FAM178B: variants seen among roughly 807,000 people sequenced by gnomAD.
FAM178B encodes family with sequence similarity 178 member B, also known as protein FAM178B.
Under a neutral mutation model 91.7 loss-of-function variants are expected in FAM178B, and 82 were observed. That is an observed-to-expected ratio of 0.89 (90% CI 0.75 to 1.07). FAM178B has a LOEUF of 1.07. FAM178B is among the 50% of genes least tolerant of loss of function. The probability of loss-of-function intolerance (pLI) is 0.00; values close to 1 mark genes in which losing one functional copy is unlikely to be tolerated. For missense variants in FAM178B, 769 were observed against 846.7 expected (o/e 0.91, Z 1.14); for synonymous variants, 368 against 359.4 (o/e 1.02, Z -0.27).
chr2:96,971,861 G>A (rs2082222740), intron 3 of FAM178B, 40 bp downstream of exon 3: 1 of 1,442,810 alleles, frequency 6.9e-7, no homozygotes, highest in Non-Finnish European at 9.1e-7. Flanking sequence ...CTAAAGATGG[G>A]TAGCCAAGGA....
chr2:96,966,711 AGGAAGTGGGGCC>A (rs1375259768), intron 5 of FAM178B, among the ~76,000 whole-genome samples: 1 of 152,178 alleles, frequency 6.6e-6, no homozygotes, highest in Non-Finnish European at 1.5e-5. Context: ...TGAAGGTATT[AGGAAGTGGGGCC>A]TTTGGGAGGT....
chr2:96,900,535 C>A (rs1390784731), intron 13 of FAM178B, among the ~76,000 whole-genome samples: 3 of 152,060 alleles, frequency 2.0e-5, no homozygotes, highest in African/African-American at 7.3e-5. Context: ...ATGGAAAACA[C>A]AGATGCTGAG....
intron 7 of FAM178B, among the ~76,000 whole-genome samples, 196 bp from the exon 8 acceptor site, chr2:96,948,098 CAG>C (rs1452338159): frequency 1.3e-5 from 2 of 152,220 alleles, no homozygotes; most frequent in African/African-American, 4.8e-5. Context: ...ACAACTTTGC[CAG>C]AGTCACACAG....
At chr2:96,940,373 G>T (rs557650714) in intron 8 of FAM178B, among the ~76,000 whole-genome samples, 1 of 152,314 alleles carries the variant, frequency 6.6e-6, no homozygotes, top group East Asian at 1.9e-4. Context: ...TGACTGGCTC[G>T]CTTCCCACCT....
At chr2:96,981,490 T>C (rs1438087706) in intron 1 of FAM178B, among the ~76,000 whole-genome samples, 2 of 152,054 alleles carry the variant, frequency 1.3e-5, no homozygotes, top group African/African-American at 4.8e-5. Flanking sequence ...CTGTATCCTG[T>C]TTAAGAAACT....
At chr2:96,901,429 C>T (rs1478331579) in intron 13 of FAM178B, among the ~76,000 whole-genome samples, 3 of 152,142 alleles carry the variant, frequency 2.0e-5, no homozygotes, top group Non-Finnish European at 4.4e-5. Context: ...CCACCTCGGC[C>T]TCCCAAAGTG....
At chr2:96,924,433 C>A (rs752450505) in intron 9 of FAM178B, among the ~76,000 whole-genome samples, 1 of 152,186 alleles carries the variant, frequency 6.6e-6, no homozygotes, top group Non-Finnish European at 1.5e-5. Context: ...CCCCGAGTGA[C>A]GGACCCAATC....
intron 14 of FAM178B, among the ~76,000 whole-genome samples, chr2:96,888,130 C>G (rs1311033942): frequency 1.3e-5 from 2 of 152,252 alleles, no homozygotes; most frequent in Non-Finnish European, 2.9e-5. Context: ...AGAGGTCCCC[C>G]TCTCCTGGAG....
chr2:96,902,578 C>A, intron 13 of FAM178B, 42 bp downstream of exon 13: 1 of 1,416,890 alleles, frequency 7.1e-7, no homozygotes, highest in Non-Finnish European at 9.8e-7. Context: ...CCAGAGCCCG[C>A]AGGCCATGGC....
intron 14 of FAM178B, among the ~76,000 whole-genome samples, chr2:96,892,096 T>C (rs1353305457): frequency 6.6e-6 from 1 of 152,272 alleles, no homozygotes; most frequent in South Asian, 2.1e-4. Flanking sequence ...TCTAACCTCT[T>C]TGAAGATGAA....
At chr2:96,913,358 T>C (rs1203271016) in intron 12 of FAM178B, among the ~76,000 whole-genome samples, 2 of 152,106 alleles carry the variant, frequency 1.3e-5, no homozygotes. Flanking sequence ...GACATGCATG[T>C]GGCATCACTG....
At chr2:96,892,337 C>A (rs891370856) in intron 14 of FAM178B, among the ~76,000 whole-genome samples, 8 of 152,158 alleles carry the variant, frequency 5.3e-5, no homozygotes, top group African/African-American at 1.9e-4. Flanking sequence ...TGGTCTCGGG[C>A]TGCAGTGAAG....
intron 1 of FAM178B, among the ~76,000 whole-genome samples, chr2:96,976,854 T>A (rs965653447): frequency 1.4e-5 from 2 of 147,308 alleles, no homozygotes; most frequent in African/African-American, 5.0e-5. Context: ...TTTCAAAAAA[T>A]AAATAAAATA....
intron 8 of FAM178B, among the ~76,000 whole-genome samples, chr2:96,939,681 T>A (rs1215554079): frequency 6.6e-6 from 1 of 151,696 alleles, no homozygotes; most frequent in African/African-American, 2.4e-5. Flanking sequence ...GAGGGTGAGG[T>A]AAAATGAGCT....
At chr2:96,904,172 G>C (rs2080986620) in intron 12 of FAM178B, among the ~76,000 whole-genome samples, 1 of 152,044 alleles carries the variant, frequency 6.6e-6, no homozygotes, top group Admixed American at 6.6e-5. Flanking sequence ...AAAAAGGAGA[G>C]GCACTAGAAG....
intron 13 of FAM178B, 57 bp downstream of exon 13, chr2:96,902,563 A>G: frequency 2.4e-6 from 3 of 1,226,762 alleles, no homozygotes; most frequent in Non-Finnish European, 3.5e-6. Flanking sequence ...CTTTGGGGAA[A>G]GCCTCCAGAG....
chr2:96,934,893 A>T (rs543281896), intron 8 of FAM178B, among the ~76,000 whole-genome samples: 21 of 152,250 alleles, frequency 1.4e-4, no homozygotes, highest in South Asian at 4.1e-4. Context: ...CTACCTGGCT[A>T]TAACCAACTC....
intron 8 of FAM178B, among the ~76,000 whole-genome samples, chr2:96,943,425 T>C (rs2081767627): frequency 6.6e-6 from 1 of 152,248 alleles, no homozygotes; most frequent in Admixed American, 6.5e-5. Context: ...TGTTATAGCA[T>C]ATGTCACTCC....
rs1311918779 is a variant in FAM178B at position 96,986,435 on chromosome 2, A to T, written c.-122T>A. The T allele has an allele frequency of 8.2e-7, 1 of 1,220,962 alleles. No homozygotes were observed. Among genetic ancestry groups the T allele is most frequent in the Non-Finnish European group, 1.1e-6 (1 of 902,004 alleles). 75.6% of individuals were successfully genotyped at this position (1,220,962 alleles called of 1,614,324 possible). A position where few individuals can be genotyped will look rare whatever the true frequency, so the allele number is the denominator to read the frequency against. ...CAGGCTCCCCAGGCGGCGCAGTGGG[A>T]GGACCCCAAGAGTTGCGTCCCTAGA... On this transcript the variant is annotated 5_prime_UTR_variant, in exon 1 of 17. Transcript: ENST00000490605.
Sources: allele counts gnomAD v4.1 joint callset (sites outside exome capture counted in the v4.1 genomes callset), GRCh38; gene constraint gnomAD v4.1.1; transcripts MANE v1.5; gene names NCBI Gene and HGNC (gene_info 2026-07-23, HGNC 2026-07-21).